Variants in TASOR2 observed in about 807,000 individuals in gnomAD.
TASOR2 encodes the protein protein TASOR 2.
Under a neutral mutation model 199.5 loss-of-function variants are expected in TASOR2, and 84 were observed. That is an observed-to-expected ratio of 0.42 (90% CI 0.35 to 0.50). The LOEUF (loss-of-function observed/expected upper bound fraction) is 0.50. Among genes scored for constraint, TASOR2 ranks in the 20% least tolerant of loss-of-function variants. The pLI, the probability that TASOR2 is intolerant of heterozygous loss-of-function variation, is 0.02. For missense variants in TASOR2, 2,796 were observed against 2,835.9 expected (o/e 0.99, Z 0.32); for synonymous variants, 1,103 against 1,046.6 (o/e 1.05, Z -1.04).
intron 10 of TASOR2, among the ~76,000 whole-genome samples, chr10:5,727,554 T>C (rs1021076296): frequency 6.6e-6 from 1 of 152,056 alleles, no homozygotes; most frequent in Non-Finnish European, 1.5e-5. Context: ...ATTTGGCTCC[T>C]GGGGGCAAAA....
intron 12 of TASOR2, among the ~76,000 whole-genome samples, chr10:5,736,968 T>A (rs188349979): frequency 1.2e-3 from 183 of 152,274 alleles, no homozygotes; most frequent in African/African-American, 4.3e-3. Flanking sequence ...TGTTTTGTTT[T>A]GTTTTGTTTT....
chr10:5,749,516 C>T (rs563810281), exon 15 of TASOR2: 1 of 1,613,974 alleles, frequency 6.2e-7, no homozygotes, highest in African/African-American at 1.3e-5. Context: ...CTGCATCCTG[C>T]ACCTAGGAGC....
chr10:5,691,502 C>T (rs1244800946), intron 1 of TASOR2, among the ~76,000 whole-genome samples: 1 of 152,162 alleles, frequency 6.6e-6, no homozygotes, highest in African/African-American at 2.4e-5. Context: ...AATTTGTCTC[C>T]TACTGGATAT....
In TASOR2 at chr10:5,701,784, G is replaced by A. The variant is rs865813741; in HGVS notation, c.-287-11039G>A. The stretch of plus-strand genomic sequence containing the variant: ...TTGCTTGCAGTTGGTGTATACCAAC[G>A]CTACCGATTTTTGTATGTTGATTTT... On this transcript the variant is annotated intron_variant, in intron 1 of 20. Coordinates refer to ENST00000328090, the Ensembl canonical transcript of TASOR2. This position sits in a 1 kb window ranked among gnomAD's most constrained non-coding sequence, Gnocchi z 4.9. Among the ~76,000 whole-genome samples, 5 of 152,246 alleles carry A rather than the reference G, an allele frequency of 3.3e-5. No individual in the cohort carries two copies. In the East Asian group the frequency reaches 7.7e-4, roughly 23 times the overall value.
Position 5,742,425 on chromosome 10 carries a change from T to A in TASOR2, c.2656T>A (p.Leu886Met). ...CATTAAAACACCACTTACCCAAGGC[T>A]TGGAACTCTGTGTACAAAATGAACA... The change falls in exon 14 of 21, where the codon TTG (leucine) becomes ATG (methionine). Residue 886 changes from leucine to methionine, a missense_variant. Coordinates refer to ENST00000328090, the Ensembl canonical transcript of TASOR2. This position sits in a 1 kb window ranked among gnomAD's most constrained non-coding sequence, Gnocchi z 4.2. 1 of 1,614,118 alleles carries A rather than the reference T, an allele frequency of 6.2e-7. No individual in the cohort carries two copies. The highest frequency in any genetic ancestry group is 8.5e-7 in the Non-Finnish European group (1 of 1,180,026).
At chr10:5,731,255 G>A (rs572874020) in intron 11 of TASOR2, 52 bp downstream of exon 12, 64 of 1,525,156 alleles carry the variant, frequency 4.2e-5, no homozygotes, top group East Asian at 1.6e-4. Flanking sequence ...GTGGCCAGGC[G>A]TTGGTGGCTC....
intron 16 of TASOR2, among the ~76,000 whole-genome samples, chr10:5,756,995 C>G (rs983511127): frequency 1.3e-5 from 2 of 152,204 alleles, no homozygotes; most frequent in Admixed American, 6.5e-5. Flanking sequence ...AGATATAAAT[C>G]TGCATCACTT....
At position 5,685,202 on chromosome 10, in the gene TASOR2, C is replaced by G. The variant is rs941601770; in HGVS notation, c.-288+27C>G. 2.8e-5 allele frequency: 11 copies of G among 397,566 alleles called. No homozygotes were observed. The highest frequency in any genetic ancestry group is 4.9e-5 in the Non-Finnish European group (11 of 225,462). 24.6% of individuals were successfully genotyped at this position (397,566 alleles called of 1,614,324 possible). On this transcript the variant is annotated intron_variant, in intron 1 of 20. Coordinates refer to ENST00000328090, the Ensembl canonical transcript of TASOR2. This position sits in a 1 kb window ranked among gnomAD's most constrained non-coding sequence, Gnocchi z 5.4. ...TAAGTCCCTCCTCGGCCTGGGCGCC[C>G]GGGAACCCTGCGAGGAGGACGGCGG... is the stretch of plus-strand genomic sequence containing the variant.
intron 2 of TASOR2, chr10:5,713,687 C>T (rs1019619902): frequency 6.6e-6 from 1 of 152,296 alleles, no homozygotes; most frequent in Non-Finnish European, 1.5e-5. Context: ...GGCAACAAGA[C>T]ATTTTGAAAT....
Position 5,698,739 on chromosome 10 carries a change from T to C in TASOR2, c.-288+13564T>C, listed in dbSNP as rs139472853. ...CTGACCTTTTGAAGTAGATGGAAAA[T>C]GTGACCTAAGGTTTTAATACAAATT... On this transcript the variant is annotated intron_variant, in intron 1 of 20. Transcript: ENST00000328090. This position sits in a 1 kb window ranked among gnomAD's most constrained non-coding sequence, Gnocchi z 4.4. Among the ~76,000 whole-genome samples, 46 of 152,334 alleles carry C rather than the reference T, an allele frequency of 3.0e-4. No individual in the cohort carries two copies. In the East Asian group the frequency reaches 7.3e-3, roughly 24 times the overall value.
chr10:5,712,659 T>G (rs1031107641), intron 1 of TASOR2, 164 bp from the exon 2 acceptor site: 8 of 869,876 alleles, frequency 9.2e-6, no homozygotes, highest in Non-Finnish European at 6.1e-6. Flanking sequence ...CAGCAGATCC[T>G]TGGAAATAGT....
At chr10:5,735,080 G>A (rs1835385431) in intron 11 of TASOR2, among the ~76,000 whole-genome samples, 1 of 151,626 alleles carries the variant, frequency 6.6e-6, no homozygotes, top group Non-Finnish European at 1.5e-5. Context: ...CATCTGATAG[G>A]GATATAGGCA....
intron 1 of TASOR2, 41 bp from the exon 2 acceptor site, chr10:5,712,782 A>G (rs1832081164): frequency 3.9e-6 from 4 of 1,030,636 alleles, no homozygotes; most frequent in Non-Finnish European, 5.0e-6. Context: ...ACAAAATAGT[A>G]TGTTTATAGC....
At chr10:5,756,567 G>A in intron 15 of TASOR2, 46 bp from the exon 17 acceptor site, 1 of 1,595,944 alleles carries the variant, frequency 6.3e-7, no homozygotes, top group Non-Finnish European at 8.6e-7. Context: ...AGGTAGTTCT[G>A]TGGAAGTACC....
chr10:5,712,256 TTTG>T (rs1832021084), intron 1 of TASOR2: 1 of 552,136 alleles, frequency 1.8e-6, no homozygotes, highest in South Asian at 9.9e-5. Flanking sequence ...TCTTTTAAAT[TTTG>T]TTAAGACAGT....
chr10:5,740,551 A>T lies in TASOR2; in HGVS notation c.2327+54A>T. ...GGATGAAACTTTTCTGTTGAGATGA[A>T]TGTAGTGAGATGGGGAAACTTATGC... is the stretch of plus-strand genomic sequence containing the variant. On this transcript the variant is annotated intron_variant, in intron 13 of 20. Transcript: ENST00000328090. The surrounding 1 kb of genome is among the most constrained non-coding windows in gnomAD (Gnocchi z 5.3). 6.5e-7 allele frequency: 1 copy of T among 1,539,670 alleles called. No homozygotes were observed. The highest frequency in any genetic ancestry group is 8.8e-7 in the Non-Finnish European group (1 of 1,141,114).
chr10:5,721,032 C>G, intron 6 of TASOR2, 62 bp downstream of exon 7: 1 of 1,309,212 alleles, frequency 7.6e-7, no homozygotes, highest in African/African-American at 1.5e-5. Flanking sequence ...GGTTTTTTTT[C>G]CTCACCTCAT....
intron 1 of TASOR2, among the ~76,000 whole-genome samples, chr10:5,703,879 TC>T (rs1564264088): frequency 6.6e-6 from 1 of 152,206 alleles, no homozygotes; most frequent in South Asian, 2.1e-4. Context: ...TTATAGTTGT[TC>T]CTTTCTGGGT....
Position 5,694,272 on chromosome 10 carries a change from G to T in TASOR2, c.-288+9097G>T, listed in dbSNP as rs535558553. On this transcript the variant is annotated intron_variant, in intron 1 of 20. Transcript: ENST00000328090. Reference sequence around the variant, plus strand: ...ATTTTACTTGTCCATGGCCAGGAGGGTGTGTTTTGTGTTCTGAGGGCAGTG... The same window carrying T: ...ATTTTACTTGTCCATGGCCAGGAGGTTGTGTTTTGTGTTCTGAGGGCAGTG... Among the ~76,000 whole-genome samples, 6 of 152,316 alleles carry T rather than the reference G, an allele frequency of 3.9e-5. No individual in the cohort carries two copies. The South Asian group carries it at 1.2e-3, about 32-fold the overall frequency.
Sources: allele counts gnomAD v4.1 joint callset (sites outside exome capture counted in the v4.1 genomes callset), GRCh38; gene constraint gnomAD v4.1.1; non-coding constraint Gnocchi (gnomAD v3.1); transcripts MANE v1.5; gene names NCBI Gene and HGNC (gene_info 2026-07-23, HGNC 2026-07-21).